The following CACNA2D3 variants were observed in gnomAD, a reference collection of about 807,000 sequenced individuals.
CACNA2D3 encodes the protein calcium voltage-gated channel auxiliary subunit alpha2delta 3, also known as voltage-dependent calcium channel subunit alpha-2/delta-3.
Under a neutral mutation model 160.6 loss-of-function variants are expected in CACNA2D3, and 60 were observed. The ratio of observed to expected loss-of-function variants is 0.37; its 90% CI spans 0.30 to 0.46. The LOEUF (loss-of-function observed/expected upper bound fraction) is 0.46, where lower values mean the gene tolerates loss of function less well. CACNA2D3 is among the 20% of genes least tolerant of loss of function. CACNA2D3 has a pLI of 1.00. For synonymous variants in CACNA2D3, 558 were observed against 492.9 expected (o/e 1.13, Z -1.75); for missense variants, 1,205 against 1,365.0 (o/e 0.88, Z 1.85).
chr3:54,412,999 A>G (rs1046504140), intron 4 of CACNA2D3, among the ~76,000 whole-genome samples: 1 of 151,840 alleles, frequency 6.6e-6, no homozygotes, highest in African/African-American at 2.4e-5. Flanking sequence ...TCCTTCATAT[A>G]GAGTTGAGTT....
chr3:54,431,237 T>A (rs1411279640), intron 4 of CACNA2D3, among the ~76,000 whole-genome samples: 1 of 151,144 alleles, frequency 6.6e-6, no homozygotes, highest in Non-Finnish European at 1.5e-5. Context: ...CTCAGGAGGC[T>A]GAGGCAGGAA....
At chr3:54,872,709 T>G (rs1333993465) in intron 18 of CACNA2D3, among the ~76,000 whole-genome samples, 1 of 152,174 alleles carries the variant, frequency 6.6e-6, no homozygotes, top group East Asian at 1.9e-4. Flanking sequence ...GCCATACCTG[T>G]TTTAGAAACT....
At chr3:54,350,986 G>GTTTTTATTT (rs1698548897) in intron 3 of CACNA2D3, among the ~76,000 whole-genome samples, 1 of 65,922 alleles carries the variant, frequency 1.5e-5, no homozygotes, top group Admixed American at 2.0e-4. Flanking sequence ...TTTTTTGTTT[G>GTTTTTATTT]TTTTTTTTTT....
At chr3:54,919,122 C>A (rs893628503) in intron 27 of CACNA2D3, among the ~76,000 whole-genome samples, 1 of 151,976 alleles carries the variant, frequency 6.6e-6, no homozygotes, top group African/African-American at 2.4e-5. Flanking sequence ...ACCAAGAATT[C>A]ATTAGAAGCC....
At chr3:55,015,345 A>G (rs1406582126) in intron 34 of CACNA2D3, among the ~76,000 whole-genome samples, 2 of 152,206 alleles carry the variant, frequency 1.3e-5, no homozygotes, top group African/African-American at 2.4e-5. Flanking sequence ...TCCATTCACC[A>G]TCTGCAAAAC....
chr3:54,141,626 T>A (rs1699937039), intron 2 of CACNA2D3, among the ~76,000 whole-genome samples: 1 of 152,194 alleles, frequency 6.6e-6, no homozygotes, highest in Non-Finnish European at 1.5e-5. Flanking sequence ...ATTTGAGAGA[T>A]GATGGCTATT....
At chr3:54,289,893 A>T (rs1193811339) in intron 2 of CACNA2D3, among the ~76,000 whole-genome samples, 2 of 152,148 alleles carry the variant, frequency 1.3e-5, no homozygotes, top group Non-Finnish European at 2.9e-5. Context: ...CTTACACCTT[A>T]TACAAAAATT....
Position 54,635,144 on chromosome 3 carries a change from A to T in CACNA2D3, c.1054-6984A>T, listed in dbSNP as rs1047576966. ...GGGGTGATATTGTGGGGTTGTTAGA[A>T]GAAACATTTGTTGTATAGAATGATT... On this transcript the variant is annotated intron_variant, in intron 10 of 37. Transcript: ENST00000474759. 3.9e-5 allele frequency among the ~76,000 whole-genome samples: 6 copies of T among 151,980 alleles called. No individual in the cohort carries two copies. In the East Asian group the frequency reaches 1.2e-3, roughly 29 times the overall value.
intron 11 of CACNA2D3, among the ~76,000 whole-genome samples, chr3:54,713,061 T>G (rs1559556183): frequency 6.6e-6 from 1 of 152,188 alleles, no homozygotes; most frequent in African/African-American, 2.4e-5. Context: ...GTGAGAAGAC[T>G]CCTGTAATGG....
chr3:55,003,218 A>G (rs1466339143), intron 31 of CACNA2D3, among the ~76,000 whole-genome samples: 1 of 152,162 alleles, frequency 6.6e-6, no homozygotes, highest in Non-Finnish European at 1.5e-5. Flanking sequence ...AAGTGTTTAA[A>G]ATCTCATCTG....
intron 11 of CACNA2D3, among the ~76,000 whole-genome samples, chr3:54,661,423 C>G (rs1699967977): frequency 6.6e-6 from 1 of 152,116 alleles, no homozygotes; most frequent in Admixed American, 6.5e-5. Context: ...GTTCAGAACT[C>G]CAAATGTCTG....
intron 14 of CACNA2D3, among the ~76,000 whole-genome samples, chr3:54,819,374 T>C (rs972257935): frequency 1.4e-4 from 22 of 152,234 alleles, no homozygotes; most frequent in Non-Finnish European, 2.8e-4. Flanking sequence ...AGAGTTCTTA[T>C]TACGACTTGG....
intron 2 of CACNA2D3, among the ~76,000 whole-genome samples, chr3:54,172,957 G>C (rs549541747): frequency 4.9e-4 from 75 of 152,340 alleles, no homozygotes; most frequent in African/African-American, 1.7e-3. Context: ...GCAGGATGGG[G>C]TGACCAGCTA....
At chr3:54,942,053 C>T (rs1701480948) in intron 27 of CACNA2D3, among the ~76,000 whole-genome samples, 1 of 152,214 alleles carries the variant, frequency 6.6e-6, no homozygotes, top group Admixed American at 6.5e-5. Context: ...AAAAATGCGT[C>T]CTCAGTCACA....
intron 5 of CACNA2D3, among the ~76,000 whole-genome samples, chr3:54,541,665 A>G (rs1310035826): frequency 6.6e-6 from 1 of 152,216 alleles, no homozygotes; most frequent in Non-Finnish European, 1.5e-5. Flanking sequence ...CAGTTTCTCA[A>G]GTTACCGTCA....
intron 29 of CACNA2D3, 133 bp downstream of exon 29, chr3:54,969,977 A>G: frequency 1.6e-6 from 1 of 611,656 alleles, no homozygotes; most frequent in Non-Finnish European, 2.7e-6. Flanking sequence ...AAAAAAAAAA[A>G]ATCATTTGCT....
chr3:54,155,699 G>A (rs368301854), intron 2 of CACNA2D3, among the ~76,000 whole-genome samples: 11 of 152,142 alleles, frequency 7.2e-5, no homozygotes, highest in African/African-American at 2.4e-4. Context: ...GTTATCTAAC[G>A]TTGGGCCTGA....
At chr3:54,738,488 A>T (rs1422068788) in intron 11 of CACNA2D3, among the ~76,000 whole-genome samples, 1 of 152,220 alleles carries the variant, frequency 6.6e-6, no homozygotes, top group African/African-American at 2.4e-5. Flanking sequence ...CTTGATTCCC[A>T]TGAAAAATGC....
intron 4 of CACNA2D3, among the ~76,000 whole-genome samples, chr3:54,468,073 A>G (rs1700660703): frequency 6.6e-6 from 1 of 152,196 alleles, no homozygotes; most frequent in Non-Finnish European, 1.5e-5. Flanking sequence ...AGTACTGCCT[A>G]GGTCTTTGGA....
Sources: gnomAD v4.1 joint callset for allele counts (sites outside exome capture counted in the v4.1 genomes callset) on GRCh38, gnomAD v4.1.1 for gene constraint, MANE v1.5 for transcripts, NCBI Gene and HGNC (gene_info 2026-07-23, HGNC 2026-07-21) for gene names.